The following MGAT4C variants were observed in gnomAD, a reference collection of about 807,000 sequenced individuals.
MGAT4C encodes the protein alpha-1,3-mannosyl-glycoprotein 4-beta-N-acetylglucosaminyltransferase C.
Under a neutral mutation model 40.1 loss-of-function variants are expected in MGAT4C, and 19 were observed. The ratio of observed to expected loss-of-function variants is 0.47; its 90% confidence interval spans 0.33 to 0.70. The LOEUF (loss-of-function observed/expected upper bound fraction) is 0.70. Ranked by LOEUF, MGAT4C falls within the 30% of genes least tolerant of loss-of-function variation. The probability of loss-of-function intolerance (pLI) is 0.02; values close to 1 mark genes in which losing one functional copy is unlikely to be tolerated. For synonymous variants in MGAT4C, 181 were observed against 187.1 expected (o/e 0.97, Z 0.27); for missense variants, 491 against 563.2 (o/e 0.87, Z 1.30).
chr12:86,475,820 C>G (rs919512132), intron 2 of MGAT4C, among the ~76,000 whole-genome samples: 4 of 151,918 alleles, frequency 2.6e-5, no homozygotes, highest in Non-Finnish European at 5.9e-5. Context: ...GCATGATAAA[C>G]TGTCATGAAT....
At chr12:86,247,819 T>A (rs1952096445) in intron 1 of MGAT4C, among the ~76,000 whole-genome samples, 1 of 152,084 alleles carries the variant, frequency 6.6e-6, no homozygotes, top group Non-Finnish European at 1.5e-5. Flanking sequence ...TTTGTTATTA[T>A]CCTGTACGTA....
rs142417103 is a variant in MGAT4C at position 86,280,787 on chromosome 12, G to A, written c.-57+53278C>T. ...TTCTTTTACTATGAATTTCACTTTT[G>A]CTGACTTTATTATCATCACTTCAGT... On this transcript the variant is annotated intron_variant, in intron 4 of 7. Coordinates refer to the MGAT4C transcript ENST00000548651. 5.9e-3 allele frequency among the ~76,000 whole-genome samples: 887 copies of A among 151,066 alleles called. 5 individuals carry two copies. The highest frequency in any genetic ancestry group is 0.011 in the Middle Eastern group (3 of 278).
chr12:86,449,834 AT>A (rs1957395359), intron 2 of MGAT4C, among the ~76,000 whole-genome samples: 1 of 152,096 alleles, frequency 6.6e-6, no homozygotes, highest in African/African-American at 2.4e-5. Context: ...CCCATTCCAA[AT>A]TTGATGGAAA....
intron 1 of MGAT4C, among the ~76,000 whole-genome samples, chr12:86,101,009 A>C (rs906342427): frequency 1.3e-5 from 2 of 151,780 alleles, no homozygotes; most frequent in African/African-American, 2.4e-5. Flanking sequence ...ACAACAGGCA[A>C]GTGTATTTTT....
intron 2 of MGAT4C, chr12:86,001,621 C>T: frequency 1.0e-6 from 1 of 983,734 alleles, no homozygotes. Flanking sequence ...CCTGAGTACA[C>T]TATACAGAGG....
intron 4 of MGAT4C, among the ~76,000 whole-genome samples, chr12:86,322,664 A>G (rs1954424707): frequency 6.6e-6 from 1 of 152,026 alleles, no homozygotes; most frequent in Non-Finnish European, 1.5e-5. Flanking sequence ...AATTCATTGA[A>G]AATGGTCAAC....
At chr12:86,765,592 A>G (rs528159973) in intron 1 of MGAT4C, among the ~76,000 whole-genome samples, 1 of 152,326 alleles carries the variant, frequency 6.6e-6, no homozygotes, top group African/African-American at 2.4e-5. Flanking sequence ...AAATGAAGGA[A>G]AAAATGTAAA....
chr12:86,067,224 T>C lies in MGAT4C; in HGVS notation c.-56-17501A>G, dbSNP rs529606292. 4.6e-5 allele frequency among the ~76,000 whole-genome samples: 7 copies of C among 152,272 alleles called. No homozygotes were observed. In the South Asian group the frequency reaches 1.2e-3, roughly 27 times the overall value. The stretch of plus-strand genomic sequence containing the variant: ...TATTACTGGGTATATACCCAAAGTG[T>C]TATAAATCATTCTACTATAAAGATA... On this transcript the variant is annotated intron_variant, in intron 1 of 4. Coordinates refer to ENST00000611864, the MANE Select transcript of MGAT4C (RefSeq NM_001351288.2).
At chr12:86,038,967 G>GTT (rs147676532) in intron 2 of MGAT4C, among the ~76,000 whole-genome samples, 5 of 147,734 alleles carry the variant, frequency 3.4e-5, no homozygotes, top group African/African-American at 1.2e-4. Flanking sequence ...TCTGCAAAAG[G>GTT]TTTTTTTTCT....
chr12:86,673,437 A>G (rs1407321054), intron 2 of MGAT4C, among the ~76,000 whole-genome samples: 1 of 152,198 alleles, frequency 6.6e-6, no homozygotes, highest in East Asian at 1.9e-4. Flanking sequence ...TAAGCATAAC[A>G]CACATGCGCA....
intron 1 of MGAT4C, among the ~76,000 whole-genome samples, chr12:86,128,765 G>T (rs1160452849): frequency 1.3e-5 from 2 of 152,006 alleles, no homozygotes; most frequent in African/African-American, 4.8e-5. Context: ...AGTATTATGG[G>T]TTTTTTTCAA....
intron 2 of MGAT4C, among the ~76,000 whole-genome samples, chr12:86,506,630 A>G (rs762075576): frequency 4.6e-5 from 7 of 152,216 alleles, no homozygotes; most frequent in Non-Finnish European, 1.0e-4. Context: ...ATTACATATA[A>G]ATACATTAGG....
At chr12:86,020,990 C>T (rs1592706530) in intron 2 of MGAT4C, among the ~76,000 whole-genome samples, 1 of 152,278 alleles carries the variant, frequency 6.6e-6, no homozygotes. Flanking sequence ...TGAAAAAATG[C>T]TCATCATCAC....
chr12:86,272,235 G>A (rs1028606143), intron 4 of MGAT4C, among the ~76,000 whole-genome samples: 18 of 152,058 alleles, frequency 1.2e-4, no homozygotes, highest in African/African-American at 3.9e-4. Flanking sequence ...TTATTTATTC[G>A]TAAGACTGAA....
intron 2 of MGAT4C, among the ~76,000 whole-genome samples, chr12:85,995,778 G>C (rs1424281361): frequency 6.6e-6 from 1 of 152,122 alleles, no homozygotes; most frequent in African/African-American, 2.4e-5. Context: ...TGAGGCAGGA[G>C]CATTACTCAA....
rs571792069 is a variant in MGAT4C at position 85,962,399 on chromosome 12, T to C, written c.*16890A>G. 7 of 148,212 alleles carry C rather than the reference T, an allele frequency of 4.7e-5. No homozygotes were observed. In the South Asian group the frequency reaches 1.5e-3, roughly 31 times the overall value. The allele number at this position is 148,212 out of a possible 1,614,324, so 9.2% of individuals were successfully genotyped here. A position where few individuals can be genotyped will look rare whatever the true frequency, so the allele number is the denominator to read the frequency against. On this transcript the variant is annotated 3_prime_UTR_variant, in exon 5 of 5. Transcript: ENST00000611864. ...CAACATCCAATGAAGTAAAATTATA[T>C]AATTAATTATATAATTATATAATTA...
chr12:86,746,202 T>C (rs1222319792), intron 1 of MGAT4C, among the ~76,000 whole-genome samples: 2 of 151,662 alleles, frequency 1.3e-5, no homozygotes, highest in African/African-American at 2.4e-5. Flanking sequence ...TATTTTCATT[T>C]CTTCTAACCC....
chr12:86,048,104 A>C (rs1352168333), intron 2 of MGAT4C, among the ~76,000 whole-genome samples: 2 of 152,146 alleles, frequency 1.3e-5, no homozygotes, highest in Non-Finnish European at 2.9e-5. Flanking sequence ...AGAATTTCTT[A>C]ACACAAATGG....
chr12:86,221,885 G>C lies in MGAT4C; in HGVS notation c.-57+34354C>G, dbSNP rs1041136591. Among the ~76,000 whole-genome samples, 15 of 152,254 alleles carry C rather than the reference G, an allele frequency of 9.9e-5. 1 individual carries two copies. The South Asian group carries it at 1.7e-3, about 17-fold the overall frequency. ...AAATAAACTCTGCTAAATTTAATTT[G>C]TCTAAGGCTTTGTTTTCTTTAACAA... is the stretch of plus-strand genomic sequence containing the variant. On this transcript the variant is annotated intron_variant, in intron 1 of 4. Transcript: ENST00000611864.
Sources: gnomAD v4.1 joint callset for allele counts (sites outside exome capture counted in the v4.1 genomes callset) on GRCh38, gnomAD v4.1.1 for gene constraint, MANE v1.5 for transcripts, NCBI Gene and HGNC (gene_info 2026-07-23, HGNC 2026-07-21) for gene names.